Variants in FRMPD4 observed in about 807,000 individuals in gnomAD.
The protein encoded by FRMPD4 is FERM and PDZ domain-containing protein 4.
Under a neutral mutation model 94.1 loss-of-function variants are expected in FRMPD4, and 22 were observed. The ratio of observed to expected loss-of-function variants is 0.23; its 90% CI spans 0.17 to 0.33. The LOEUF is 0.33. FRMPD4 is among the 10% of genes least tolerant of loss of function. The pLI is 1.00. For missense variants in FRMPD4, 1,111 were observed against 1,339.9 expected (o/e 0.83, Z 2.67); for synonymous variants, 631 against 548.6 (o/e 1.15, Z -2.10).
chrX:12,225,268 G>A (rs1166115154), intron 1 of FRMPD4, among the ~76,000 whole-genome samples: 4 of 112,063 alleles, frequency 3.6e-5, no homozygotes, highest in East Asian at 2.8e-4. Context: ...TTACTTGCAC[G>A]TAAATCTTTT....
intron 2 of FRMPD4, among the ~76,000 whole-genome samples, chrX:12,555,441 CTCTT>C (rs2058585773): frequency 1.2e-5 from 1 of 82,530 alleles, no homozygotes; most frequent in Non-Finnish European, 2.9e-5. Flanking sequence ...ATAGCTATCA[CTCTT>C]TCTTTTACTG....
chrX:12,216,988 C>T (rs1304312953), intron 1 of FRMPD4, among the ~76,000 whole-genome samples: 1 of 111,845 alleles, frequency 8.9e-6, no homozygotes, highest in African/African-American at 3.3e-5. Context: ...CGCTTTCTGC[C>T]GTCTGCAGAA....
At chrX:11,997,572 A>G (rs191004386) in intron 3 of FRMPD4, among the ~76,000 whole-genome samples, 5 of 110,524 alleles carry the variant, frequency 4.5e-5, no homozygotes, top group Non-Finnish European at 9.5e-5. Context: ...TAGGTTTTGG[A>G]ATCTGTGCAC....
intron 1 of FRMPD4, among the ~76,000 whole-genome samples, chrX:12,149,764 A>C (rs1381744798): frequency 2.7e-5 from 3 of 112,362 alleles, no homozygotes; most frequent in African/African-American, 9.7e-5. Flanking sequence ...AAATACTATC[A>C]AACAGCATCA....
At chrX:11,987,492 T>C (rs1291004172) in intron 3 of FRMPD4, among the ~76,000 whole-genome samples, 2 of 111,392 alleles carry the variant, frequency 1.8e-5, no homozygotes, top group African/African-American at 6.5e-5. Context: ...CTGAGGCCCT[T>C]TTCTCTAAGA....
intron 1 of FRMPD4, among the ~76,000 whole-genome samples, chrX:11,837,273 G>A (rs2053506322): frequency 9.0e-6 from 1 of 111,510 alleles, no homozygotes; most frequent in South Asian, 3.7e-4. Context: ...AAAAAGAATT[G>A]TATTTCAGTA....
intron 1 of FRMPD4, among the ~76,000 whole-genome samples, chrX:12,461,439 T>C (rs6640998): frequency 0.11 from 12,645 of 111,640 alleles, 594 homozygotes; most frequent in South Asian, 0.22. Flanking sequence ...AGTTTCTCAG[T>C]CTTTGCTATC....
rs778207091 is a variant in FRMPD4 at position 12,268,521 on chromosome X, A to C, written c.41+129509A>C. On this transcript the variant is annotated intron_variant, in intron 1 of 16. Coordinates refer to ENST00000675598, the MANE Select transcript of FRMPD4 (RefSeq NM_001368397.1). ...ATGAGGGTATTAACCTCTTAGGATG[A>C]TTTTGAGGATCAACTGGGCTAATGG... 9.8e-4 allele frequency among the ~76,000 whole-genome samples: 110 copies of C among 111,975 alleles called. 1 individual carries two copies. Among genetic ancestry groups the C allele is most frequent in the African/African-American group, 3.5e-3 (109 of 30,844 alleles).
At chrX:12,007,627 C>T (rs993158916) in intron 3 of FRMPD4, among the ~76,000 whole-genome samples, 1 of 111,459 alleles carries the variant, frequency 9.0e-6, no homozygotes, top group Non-Finnish European at 1.9e-5. Context: ...ACCTTAGCCT[C>T]GCTCCATCAT....
intron 1 of FRMPD4, among the ~76,000 whole-genome samples, chrX:12,295,174 G>A (rs1400910715): frequency 8.9e-6 from 1 of 112,252 alleles, no homozygotes; most frequent in Non-Finnish European, 1.9e-5. Context: ...TCATCTGGAG[G>A]TTCATGTTAG....
intron 1 of FRMPD4, among the ~76,000 whole-genome samples, chrX:12,404,594 G>A (rs999849716): frequency 8.9e-6 from 1 of 111,932 alleles, no homozygotes; most frequent in Non-Finnish European, 1.9e-5. Context: ...GCGTGATGTT[G>A]GGTATCACAT....
At chrX:12,014,035 G>T (rs749966725) in intron 3 of FRMPD4, among the ~76,000 whole-genome samples, 2 of 111,134 alleles carry the variant, frequency 1.8e-5, no homozygotes, top group African/African-American at 6.5e-5. Context: ...AGCATATAAC[G>T]TGCTTATTAA....
intron 2 of FRMPD4, among the ~76,000 whole-genome samples, chrX:12,514,902 A>G (rs779834984): frequency 2.7e-5 from 3 of 111,690 alleles, no homozygotes; most frequent in Non-Finnish European, 5.6e-5. Context: ...AGAACTTGTT[A>G]TTGGTCTATT....
intron 3 of FRMPD4, among the ~76,000 whole-genome samples, chrX:11,987,695 T>C (rs1299249924): frequency 8.9e-6 from 1 of 111,778 alleles, no homozygotes; most frequent in Non-Finnish European, 1.9e-5. Context: ...CAAAAAAACC[T>C]ATTAAAACTG....
chrX:12,324,514 A>C (rs2055256333), intron 1 of FRMPD4, among the ~76,000 whole-genome samples: 1 of 112,291 alleles, frequency 8.9e-6, no homozygotes, highest in Admixed American at 9.5e-5. Flanking sequence ...GGATAACAAA[A>C]TTTTTAACAT....
At position 12,457,810 on chromosome X, in the gene FRMPD4, G is replaced by A. The variant is rs776652072; in HGVS notation, c.42-40870G>A. ...CGCTACAAAATGCTTTACCATCACC[G>A]TCTCTCTTAATCTTCAGAGCAAACC... On this transcript the variant is annotated intron_variant, in intron 1 of 16. Transcript: ENST00000675598. Among the ~76,000 whole-genome samples, 8 of 111,924 alleles carry A rather than the reference G, an allele frequency of 7.1e-5. No individual in the cohort carries two copies. In the South Asian group the frequency reaches 2.2e-3, roughly 31 times the overall value.
chrX:12,400,608 C>T (rs200374741), intron 1 of FRMPD4, among the ~76,000 whole-genome samples: 1 of 112,153 alleles, frequency 8.9e-6, no homozygotes, highest in South Asian at 3.7e-4. Context: ...CTGCCCTTTT[C>T]GACCTAGGAT....
intron 2 of FRMPD4, among the ~76,000 whole-genome samples, chrX:11,875,397 C>A (rs1296804868): frequency 9.0e-6 from 1 of 111,542 alleles, no homozygotes; most frequent in Non-Finnish European, 1.9e-5. Context: ...ACGAGCATTT[C>A]CAAATTTAAA....
chrX:12,560,742 CTTTTTTTTT>C (rs749269384), intron 2 of FRMPD4, among the ~76,000 whole-genome samples: 1 of 43,443 alleles, frequency 2.3e-5, no homozygotes, highest in Non-Finnish European at 4.3e-5. Context: ...CTCCCCTCAT[CTTTTTTTTT>C]TTTTTTTTTT....
Sources: allele counts gnomAD v4.1 joint callset (sites outside exome capture counted in the v4.1 genomes callset), GRCh38; gene constraint gnomAD v4.1.1; transcripts MANE v1.5; gene names NCBI Gene and HGNC (gene_info 2026-07-23, HGNC 2026-07-21).